The following DNAJC13 variants were observed in gnomAD, a reference collection of about 807,000 sequenced individuals.
The protein encoded by DNAJC13 is DnaJ heat shock protein family (Hsp40) member C13, also known as dnaJ homolog subfamily C member 13.
A neutral mutation model predicts 290.5 loss-of-function variants in DNAJC13; 75 were observed. The observed-to-expected ratio is 0.26, with a 90% confidence interval of 0.21 to 0.31. DNAJC13 has a LOEUF of 0.31. Ranked by LOEUF, DNAJC13 falls within the 10% of genes least tolerant of loss-of-function variation. The pLI is 1.00. For synonymous variants in DNAJC13, 862 were observed against 892.0 expected (o/e 0.97, Z 0.60); for missense variants, 2,260 against 2,674.5 (o/e 0.85, Z 3.42).
intron 33 of DNAJC13, among the ~76,000 whole-genome samples, chr3:132,493,914 G>A (rs1376173247): frequency 1.3e-5 from 2 of 152,076 alleles, no homozygotes; most frequent in Non-Finnish European, 2.9e-5. Context: ...ATTGGCAGAG[G>A]ATTTAAAAAA....
chr3:132,462,553 T>A (rs1477641024), intron 16 of DNAJC13, 30 bp downstream of exon 16: 2 of 1,534,176 alleles, frequency 1.3e-6, no homozygotes, highest in African/African-American at 2.8e-5. Context: ...ATTTTAACCT[T>A]ACTTGAATGT....
rs1576482313 is a variant in DNAJC13, at chr3:132,473,003, G to C, written c.2209-142G>C. The C allele has an allele frequency of 1.9e-5, 12 of 631,124 alleles. No individual in the cohort carries two copies. The East Asian group carries it at 3.5e-4, about 19-fold the overall frequency. 39.1% of individuals were successfully genotyped at this position (631,124 alleles called of 1,614,324 possible). ...CCTGTATTTATATTCATGTTTTATAGATTTTATTTATTCCGTTAATTTTTG... is the reference window on the plus strand; with the variant it reads ...CCTGTATTTATATTCATGTTTTATACATTTTATTTATTCCGTTAATTTTTG... On this transcript the variant is annotated intron_variant, in intron 20 of 55. Coordinates refer to ENST00000260818, the MANE Select transcript of DNAJC13 (RefSeq NM_015268.4).
Position 132,484,568 on chromosome 3 carries a change from C to A in DNAJC13, c.3183-20C>A. The A allele has an allele frequency of 6.2e-7, 1 of 1,604,026 alleles. No individual in the cohort carries two copies. Among genetic ancestry groups the A allele is most frequent in the Non-Finnish European group, 8.5e-7 (1 of 1,171,104 alleles). On this transcript the variant is annotated intron_variant, in intron 28 of 55. Transcript: ENST00000260818. Reference sequence around the variant, plus strand: ...TTTTAACAAATATATTAAATGTTGACGTGAGAAAATGTTTTCTAGGGATCA... The same window carrying A: ...TTTTAACAAATATATTAAATGTTGAAGTGAGAAAATGTTTTCTAGGGATCA...
chr3:132,499,983 C>T (rs1290123629), intron 38 of DNAJC13, among the ~76,000 whole-genome samples, 175 bp downstream of exon 38: 1 of 152,208 alleles, frequency 6.6e-6, no homozygotes, highest in Non-Finnish European at 1.5e-5. Context: ...GTTTTTATAA[C>T]AAGTTTCCAA....
At chr3:132,453,725 A>G in intron 8 of DNAJC13, 31 bp downstream of exon 8, 1 of 1,518,862 alleles carries the variant, frequency 6.6e-7, no homozygotes, top group Non-Finnish European at 9.0e-7. Context: ...CTTAAATGAG[A>G]TTTCTTTCTA....
At chr3:132,526,047 TC>T in intron 52 of DNAJC13, 93 bp from the exon 53 acceptor site, 1 of 1,483,090 alleles carries the variant, frequency 6.7e-7, no homozygotes, top group Non-Finnish European at 9.0e-7. Context: ...AGTAAGGGAT[TC>T]TTTTTTTACT....
chr3:132,519,311 C>T (rs948296973), intron 48 of DNAJC13, among the ~76,000 whole-genome samples: 17 of 152,116 alleles, frequency 1.1e-4, no homozygotes, highest in Non-Finnish European at 7.4e-5. Flanking sequence ...TACAACCATC[C>T]TAGTAGGTAT....
In DNAJC13 at chr3:132,466,306, G is replaced by C. The variant is rs1273035911; in HGVS notation, c.1976G>C (p.Gly659Ala). The C allele has an allele frequency of 6.3e-7, 1 of 1,587,188 alleles. No individual in the cohort carries two copies. ...TGGATTTTGTGTTTTTAGCCGCCAG[G>C]CTTGCTGGCATACTTGGAAAGCTCA... ...TNLLKRILPPGLLAYLESSDL... is the reference protein window; with the variant it reads ...TNLLKRILPPALLAYLESSDL... Residue 659 changes from glycine (G) to alanine (A), a missense_variant, in exon 19 of 56, where the codon GGC becomes GCC. Around this residue, in one of 3 missense-constraint regions of DNAJC13, gnomAD observed 762 missense variants for 964.1 expected, o/e 0.79. Coordinates refer to ENST00000260818, the MANE Select transcript of DNAJC13 (RefSeq NM_015268.4).
intron 39 of DNAJC13, among the ~76,000 whole-genome samples, chr3:132,501,655 A>C (rs1935419644): frequency 1.3e-5 from 2 of 152,058 alleles, no homozygotes; most frequent in African/African-American, 2.4e-5. Context: ...GGCTTTAGAG[A>C]TCTGAGAACT....
At chr3:132,516,120 G>A (rs1008262392) in intron 46 of DNAJC13, among the ~76,000 whole-genome samples, 3 of 152,186 alleles carry the variant, frequency 2.0e-5, no homozygotes, top group Non-Finnish European at 4.4e-5. Context: ...TGGATGTGCA[G>A]TGCACAATGA....
intron 29 of DNAJC13, 132 bp from the exon 30 acceptor site, chr3:132,488,166 C>T (rs1048829886): frequency 1.5e-6 from 1 of 682,402 alleles, no homozygotes; most frequent in Non-Finnish European, 2.2e-6. Flanking sequence ...GGTAGATGAG[C>T]TTACTGACTC....
intron 20 of DNAJC13, among the ~76,000 whole-genome samples, chr3:132,470,751 C>T (rs1576479776): frequency 3.0e-5 from 3 of 100,964 alleles, no homozygotes; most frequent in East Asian, 3.2e-4. Context: ...CGGGCAGAGG[C>T]GCCCCTCACC....
intron 1 of DNAJC13, among the ~76,000 whole-genome samples, chr3:132,433,935 C>T (rs945611318): frequency 5.3e-5 from 8 of 152,118 alleles, no homozygotes; most frequent in South Asian, 2.1e-4. Context: ...TGGTCTTGAC[C>T]GGGCGCTGTG....
chr3:132,478,935 T>C (rs1934565868), intron 24 of DNAJC13, among the ~76,000 whole-genome samples: 1 of 152,050 alleles, frequency 6.6e-6, no homozygotes, highest in South Asian at 2.1e-4. Context: ...ATTATTTCAC[T>C]TACATTATTT....
At chr3:132,461,463 T>C (rs1933793008) in intron 15 of DNAJC13, among the ~76,000 whole-genome samples, 1 of 152,162 alleles carries the variant, frequency 6.6e-6, no homozygotes, top group Non-Finnish European at 1.5e-5. Flanking sequence ...TGGGCTACAC[T>C]CAAAGCCATC....
intron 55 of DNAJC13, among the ~76,000 whole-genome samples, chr3:132,531,815 T>C (rs1486994288): frequency 6.6e-6 from 1 of 151,828 alleles, no homozygotes; most frequent in East Asian, 1.9e-4. Context: ...AAAAAAGATA[T>C]TCTCCTAAGT....
chr3:132,438,634 T>C (rs1932940505), intron 2 of DNAJC13, among the ~76,000 whole-genome samples: 1 of 152,200 alleles, frequency 6.6e-6, no homozygotes, highest in Non-Finnish European at 1.5e-5. Flanking sequence ...CTTCTCTTCA[T>C]ATGTCAAAAT....
At chr3:132,516,943 G>C in intron 48 of DNAJC13, 127 bp downstream of exon 48, 1 of 808,940 alleles carries the variant, frequency 1.2e-6, no homozygotes, top group Non-Finnish European at 2.0e-6. Flanking sequence ...GTGAAAGTTG[G>C]AAAATTCACA....
chr3:132,522,236 C>T (rs1368426147), intron 48 of DNAJC13, among the ~76,000 whole-genome samples: 1 of 152,136 alleles, frequency 6.6e-6, no homozygotes, highest in African/African-American at 2.4e-5. Flanking sequence ...TTTCCCAACC[C>T]TCATTTTTCC....
Sources: allele counts gnomAD v4.1 joint callset (sites outside exome capture counted in the v4.1 genomes callset), GRCh38; gene constraint gnomAD v4.1.1; regional missense constraint gnomAD v4.1.1; transcripts MANE v1.5; gene names NCBI Gene and HGNC (gene_info 2026-07-23, HGNC 2026-07-21).